The following SIRPA variants were observed in gnomAD, a reference collection of about 807,000 sequenced individuals.
The protein encoded by SIRPA is tyrosine-protein phosphatase non-receptor type substrate 1.
Under a neutral mutation model 50.3 loss-of-function variants are expected in SIRPA, and 9 were observed. The ratio of observed to expected loss-of-function variants is 0.18; its 90% CI spans 0.11 to 0.31. SIRPA has a LOEUF of 0.31. SIRPA is among the 10% of genes least tolerant of loss of function. The pLI is 1.00. For synonymous variants in SIRPA, 265 were observed against 284.1 expected (o/e 0.93, Z 0.68); for missense variants, 474 against 661.6 (o/e 0.72, Z 3.11).
intron 4 of SIRPA, among the ~76,000 whole-genome samples, chr20:1,923,934 A>G (rs141302555): frequency 1.3e-5 from 2 of 152,302 alleles, no homozygotes; most frequent in Non-Finnish European, 2.9e-5. Context: ...AGCACTCAGT[A>G]AATGCTTTTT....
In SIRPA at chr20:1,928,029, T is replaced by C. The variant is rs968740651; in HGVS notation, c.1226+130T>C. ...TTGGTCAACATGTCTCTTTCTCTCC[T>C]TTGTAACCTCCTCACACTGGGTCAC... On this transcript the variant is annotated intron_variant, in intron 6 of 7. Transcript: ENST00000358771. This position sits in a 1 kb window ranked among gnomAD's most constrained non-coding sequence, Gnocchi z 4.9. The C allele has an allele frequency of 9.8e-6, 8 of 820,148 alleles. No individual in the cohort carries two copies. Among genetic ancestry groups the C allele is most frequent in the African/African-American group, 6.7e-5 (4 of 59,278 alleles). The allele number at this position is 820,148 out of a possible 1,614,324, so 50.8% of individuals were successfully genotyped here. A position where few individuals can be genotyped will look rare whatever the true frequency, so the allele number is the denominator to read the frequency against.
At chr20:1,895,047 C>T (rs1163397521), upstream of SIRPA, among the ~76,000 whole-genome samples, 1 of 150,384 alleles carries the variant, frequency 6.6e-6, no homozygotes, top group Non-Finnish European at 1.5e-5. Flanking sequence ...TCCTCTCTCC[C>T]GCGCGGTCTG....
Position 1,937,330 on chromosome 20 carries a change from A to G in SIRPA, c.1277A>G (p.Asp426Gly). 1 of 1,612,876 alleles carries G rather than the reference A, an allele frequency of 6.2e-7. No homozygotes were observed. The highest frequency in any genetic ancestry group is 2.2e-5 in the East Asian group (1 of 44,808). Residue 426 changes from aspartate (D) to glycine (G), a missense_variant, in exon 8 of 8, where the codon GAT becomes GGT. Physicochemically the swap from Asp to Gly is moderately conservative, Grantham distance 94. This residue lies in a region of SIRPA where 180 missense variants were observed against 206.7 expected (regional missense o/e 0.87). Coordinates refer to ENST00000358771, the MANE Select transcript of SIRPA (RefSeq NM_001040023.2). This position sits in a 1 kb window ranked among gnomAD's most constrained non-coding sequence, Gnocchi z 8.3. The part of the protein sequence containing the change: ...NAREITQDTN[D>G]ITYADLNLPK... The stretch of plus-strand genomic sequence containing the variant: ...GTATCTTAAATCCAGGACACAAATG[A>G]TATCACATATGCAGACCTGAACCTG...
chr20:1,901,175 T>C (rs1179847892), intron 1 of SIRPA, among the ~76,000 whole-genome samples: 1 of 135,418 alleles, frequency 7.4e-6, no homozygotes, highest in African/African-American at 2.8e-5. Flanking sequence ...TTTTTTTTTT[T>C]TTTTTTTTTT....
At chr20:1,915,578 C>G (rs1985230121) in intron 2 of SIRPA, 123 bp downstream of exon 2, 2 of 1,189,204 alleles carry the variant, frequency 1.7e-6, no homozygotes, top group Admixed American at 4.1e-5. Flanking sequence ...ATTGATGTCT[C>G]CCCCTTTTAC....
In SIRPA at chr20:1,937,173, G is replaced by A. The variant is rs1230209828; in HGVS notation, c.1267-147G>A. 5 of 941,514 alleles carry A rather than the reference G, an allele frequency of 5.3e-6. No individual in the cohort carries two copies. The highest frequency in any genetic ancestry group is 4.7e-6 in the Non-Finnish European group (3 of 632,410). 58.3% of individuals were successfully genotyped at this position (941,514 alleles called of 1,614,324 possible). The stretch of plus-strand genomic sequence containing the variant: ...GGCTGGAGGCAAGTAACGTTGGCAA[G>A]AGATGAGGGGAACATGACTTATGGC... On this transcript the variant is annotated intron_variant, in intron 7 of 7. Transcript: ENST00000358771. The surrounding 1 kb of genome is among the most constrained non-coding windows in gnomAD (Gnocchi z 8.3).
In SIRPA at chr20:1,937,255, G is replaced by A. The variant is rs1986628274; in HGVS notation, c.1267-65G>A. 6.4e-6 allele frequency: 10 copies of A among 1,556,486 alleles called. No individual in the cohort carries two copies. The highest frequency in any genetic ancestry group is 3.5e-4 in the Middle Eastern group (2 of 5,738). ...CATCCAGACTTGGTATTCAGTTTGA[G>A]TGAGTGGGCCAGGGGCTATAGAATG... On this transcript the variant is annotated intron_variant, in intron 7 of 7. Transcript: ENST00000358771. This position sits in a 1 kb window ranked among gnomAD's most constrained non-coding sequence, Gnocchi z 8.3.
In SIRPA at chr20:1,921,540, C is replaced by G. The variant is rs757772647; in HGVS notation, c.582C>G (p.Phe194Leu). The G allele has an allele frequency of 4.3e-6, 7 of 1,614,084 alleles. No individual in the cohort carries two copies. In the African/African-American group the frequency reaches 9.3e-5, roughly 22 times the overall value. The part of the protein sequence containing the change: ...WFKNGNELSD[F>L]QTNVDPVGES... Reference sequence around the variant, plus strand: ...AAAATGGGAATGAGCTCTCAGACTTCCAGACCAACGTGGACCCCGTAGGAG... The same window carrying G: ...AAAATGGGAATGAGCTCTCAGACTTGCAGACCAACGTGGACCCCGTAGGAG... The change falls in exon 3 of 8, where the codon TTC (phenylalanine) becomes TTG (leucine). Residue 194 changes from phenylalanine to leucine, a missense_variant. Physicochemically the swap from Phe to Leu is conservative, Grantham distance 22 (BLOSUM62 0). This residue lies in a region of SIRPA where 221 missense variants were observed against 359.9 expected (regional missense o/e 0.61). Transcript: ENST00000358771.
chr20:1,930,664 C>G (rs1347289953), intron 6 of SIRPA, among the ~76,000 whole-genome samples: 3 of 152,174 alleles, frequency 2.0e-5, no homozygotes, highest in Admixed American at 6.5e-5. Context: ...GATCTTGGCT[C>G]ACCACAACCT....
At chr20:1,930,412 A>G (rs1320355299) in intron 6 of SIRPA, among the ~76,000 whole-genome samples, 1 of 152,196 alleles carries the variant, frequency 6.6e-6, no homozygotes, top group South Asian at 2.1e-4. Flanking sequence ...GGTGCTTAGT[A>G]AAGGTTTACT....
rs1374088454 is a variant in SIRPA, at chr20:1,927,890, C to T, written c.1217C>T (p.Ser406Phe). ...TGTCTTTCAGCCCAGGGCTCCACTT[C>T]TTCTACAAGGTAAGTGCATCATTGG... Reference protein sequence around the residue: ...IRQKKAQGSTSSTRLHEPEKN... With the variant: ...IRQKKAQGSTFSTRLHEPEKN... The change falls in exon 6 of 8, where the codon TCT becomes TTT. Residue 406 changes from serine (S) to phenylalanine (F), a missense_variant. Coordinates refer to ENST00000358771, the MANE Select transcript of SIRPA (RefSeq NM_001040023.2). The surrounding 1 kb of genome is among the most constrained non-coding windows in gnomAD (Gnocchi z 6.5). 1 of 1,613,940 alleles carries T rather than the reference C, an allele frequency of 6.2e-7. No individual in the cohort carries two copies. The highest frequency in any genetic ancestry group is 1.7e-5 in the Admixed American group (1 of 60,028).
At chr20:1,918,596 A>G (rs1985454087) in intron 2 of SIRPA, among the ~76,000 whole-genome samples, 3 of 152,158 alleles carry the variant, frequency 2.0e-5, no homozygotes, top group Non-Finnish European at 4.4e-5. Flanking sequence ...TAGAACGTCG[A>G]TAATTGTACC....
In SIRPA at chr20:1,895,523, T is replaced by A. The variant is rs1983742530; in HGVS notation, c.76T>A (p.Ser26Thr). The A allele has an allele frequency of 2.1e-6, 3 of 1,457,644 alleles. No homozygotes were observed. Among genetic ancestry groups the A allele is most frequent in the East Asian group, 6.0e-5 (2 of 33,384 alleles). The allele number at this position is 1,457,644 out of a possible 1,614,324, so 90.3% of individuals were successfully genotyped here. A position where few individuals can be genotyped will look rare whatever the true frequency, so the allele number is the denominator to read the frequency against. The change falls in exon 1 of 8, where the codon TCA becomes ACA. Residue 26 changes from serine to threonine, a missense_variant. Transcript: ENST00000358771. ...CLLLAASCAWSGVAGEEELQV... is the reference protein window; with the variant it reads ...CLLLAASCAWTGVAGEEELQV... ...GCTGCTCGCCGCGTCCTGCGCCTGG[T>A]CAGGTAAGCACCCCCCCGCTCCCCA...
intron 1 of SIRPA, among the ~76,000 whole-genome samples, chr20:1,896,826 C>T (rs1983862668): frequency 7.6e-6 from 1 of 130,946 alleles, no homozygotes; most frequent in African/African-American, 2.8e-5. Context: ...TGCGTCCTTG[C>T]TGGGCTGAAG....
intron 6 of SIRPA, among the ~76,000 whole-genome samples, chr20:1,931,230 G>A (rs1986281972): frequency 6.6e-6 from 1 of 152,196 alleles, no homozygotes; most frequent in Non-Finnish European, 1.5e-5. Flanking sequence ...TTCTCAGGTG[G>A]TGCTGATGCT....
In SIRPA at chr20:1,906,021, G is replaced by A. The variant is rs180705953; in HGVS notation, c.80-9078G>A. Among the ~76,000 whole-genome samples the A allele has an allele frequency of 2.3e-3, 357 of 152,342 alleles. 1 individual carries two copies. Among genetic ancestry groups the A allele is most frequent in the African/African-American group, 7.8e-3 (323 of 41,570 alleles). On this transcript the variant is annotated intron_variant, in intron 1 of 7. Transcript: ENST00000358771. The stretch of plus-strand genomic sequence containing the variant: ...CTCAGGCTTAAGGACGTGGTCATCT[G>A]TCGCCCCCTTCATCTTTAGACACCC...
chr20:1,911,080 A>C (rs1369038286), intron 1 of SIRPA, among the ~76,000 whole-genome samples: 1 of 152,218 alleles, frequency 6.6e-6, no homozygotes, highest in African/African-American at 2.4e-5. Flanking sequence ...ACAGACTCTG[A>C]TCTTGTAACA....
chr20:1,937,906 C>T lies in SIRPA; in HGVS notation c.*338C>T. On this transcript the variant is annotated 3_prime_UTR_variant, in exon 8 of 8. Coordinates refer to ENST00000358771, the MANE Select transcript of SIRPA (RefSeq NM_001040023.2). This position sits in a 1 kb window ranked among gnomAD's most constrained non-coding sequence, Gnocchi z 8.3. ...TGTGGGTTTTGAAGACCCTCGACTG[C>T]CTCCCCGATGCTCCGAAGCCTGATC... 3.4e-6 allele frequency: 1 copy of T among 297,986 alleles called. No homozygotes were observed. Among genetic ancestry groups the T allele is most frequent in the Non-Finnish European group, 6.5e-6 (1 of 155,010 alleles). The allele number at this position is 297,986 out of a possible 1,614,324, so 18.5% of individuals were successfully genotyped here. A position where few individuals can be genotyped will look rare whatever the true frequency, so the allele number is the denominator to read the frequency against.
At chr20:1,923,262 C>T (rs1985776128) in intron 4 of SIRPA, among the ~76,000 whole-genome samples, 1 of 152,208 alleles carries the variant, frequency 6.6e-6, no homozygotes, top group South Asian at 2.1e-4. Context: ...TTTTCTCAGC[C>T]CTTGCAACGT....
Sources: allele counts gnomAD v4.1 joint callset (sites outside exome capture counted in the v4.1 genomes callset), GRCh38; gene constraint gnomAD v4.1.1; regional missense constraint gnomAD v4.1.1; non-coding constraint Gnocchi (gnomAD v3.1); transcripts MANE v1.5; gene names NCBI Gene and HGNC (gene_info 2026-07-23, HGNC 2026-07-21).